OTOF: variants seen among roughly 807,000 people sequenced by gnomAD.
The protein encoded by OTOF is fer-1-like family member 2.
OTOF carries 218 observed loss-of-function variants against 236.8 expected under a neutral mutation model. The ratio of observed to expected loss-of-function variants is 0.92; its 90% CI spans 0.82 to 1.03. OTOF has a LOEUF of 1.03. Among genes scored for constraint, OTOF ranks in the 50% least tolerant of loss-of-function variants. The pLI, the probability that OTOF is intolerant of heterozygous loss-of-function variation, is 0.00. For missense variants in OTOF, 2,590 were observed against 2,694.4 expected (o/e 0.96, Z 0.86); for synonymous variants, 1,041 against 1,072.5 (o/e 0.97, Z 0.57).
intron 5 of OTOF, among the ~76,000 whole-genome samples, chr2:26,513,334 C>T (rs900511940): frequency 9.9e-5 from 15 of 152,174 alleles, no homozygotes; most frequent in Non-Finnish European, 2.9e-5. Flanking sequence ...GAGAAGCAGG[C>T]CAGGCAGGGC....
At position 26,526,618 on chromosome 2, in the gene OTOF, A is replaced by G. The variant is rs116890898; in HGVS notation, c.227+1214T>C. ...TAAAGTCCCTTTCCTCCTGGAAACT[A>G]TAGGGTGGTGCCTACAGGAATTCTC... On this transcript the variant is annotated intron_variant, in intron 3 of 46. Transcript: ENST00000272371. 3.3e-3 allele frequency among the ~76,000 whole-genome samples: 503 copies of G among 152,350 alleles called. 5 individuals carry two copies. Among genetic ancestry groups the G allele is most frequent in the East Asian group, 0.026 (135 of 5,190 alleles).
Position 26,476,041 on chromosome 2 carries a change from G to T in OTOF, c.2867-3C>A. 6.2e-7 allele frequency: 1 copy of T among 1,612,710 alleles called. No homozygotes were observed. The highest frequency in any genetic ancestry group is 1.1e-5 in the South Asian group (1 of 91,018). ...TCGGAGCTGGAACGCCTGCTTCTCT[G>T]TGGGGAAGGGCAGCCTGAGGTTCCA... is the stretch of plus-strand genomic sequence containing the variant. On this transcript the variant is annotated splice_polypyrimidine_tract_variant and splice_region_variant and intron_variant, in intron 23 of 46. Transcript: ENST00000272371.
Position 26,457,359 on chromosome 2 carries a change from CAGGGTG to C in OTOF, c.*873_*878del. 6.6e-6 allele frequency: 1 copy of C among 152,656 alleles called. No individual in the cohort carries two copies. The highest frequency in any genetic ancestry group is 2.4e-5 in the African/African-American group (1 of 41,588). The allele number at this position is 152,656 out of a possible 1,614,324, so 9.5% of individuals were successfully genotyped here. A position where few individuals can be genotyped will look rare whatever the true frequency, so the allele number is the denominator to read the frequency against. ...GGGCAAGGGGGCAGGGGTGGGAGGA[CAGGGTG>C]TGCCCGGGATGGGGAGTCCCCTCTG... is the stretch of plus-strand genomic sequence containing the variant. On this transcript the variant is annotated 3_prime_UTR_variant, in exon 47 of 47. Transcript: ENST00000272371. The surrounding 1 kb of genome is among the most constrained non-coding windows in gnomAD (Gnocchi z 4.4).
rs770034287 is a variant in OTOF, at chr2:26,474,688, C to A, written c.3127-14G>T. On this transcript the variant is annotated splice_polypyrimidine_tract_variant and intron_variant, in intron 25 of 46. Coordinates refer to ENST00000272371, the MANE Select transcript of OTOF (RefSeq NM_194248.3). ...GTCAGCTTTGCCCTGACGCAACAGA[C>A]AACCCAGAAGCCTCTTGGTGCTTGC... The A allele has an allele frequency of 1.2e-6, 2 of 1,613,198 alleles. No homozygotes were observed. The highest frequency in any genetic ancestry group is 2.2e-5 in the South Asian group (2 of 91,088).
chr2:26,524,224 C>T (rs555329998), intron 3 of OTOF, among the ~76,000 whole-genome samples: 1 of 152,274 alleles, frequency 6.6e-6, no homozygotes, highest in East Asian at 1.9e-4. Context: ...ACATCTAATA[C>T]AGGCTGGATT....
Position 26,460,292 on chromosome 2 carries a change from C to G in OTOF, c.5814-87G>C. The G allele has an allele frequency of 9.2e-7, 1 of 1,092,476 alleles. No homozygotes were observed. The highest frequency in any genetic ancestry group is 1.4e-5 in the South Asian group (1 of 73,190). The allele number at this position is 1,092,476 out of a possible 1,614,324, so 67.7% of individuals were successfully genotyped here. The stretch of plus-strand genomic sequence containing the variant: ...CGAGGGGCCAAGACCAAGAGGGAAG[C>G]TGTCCTGGGCTGTGTGTGCAGTTCT... On this transcript the variant is annotated intron_variant, in intron 45 of 46. Transcript: ENST00000272371. The surrounding 1 kb of genome is among the most constrained non-coding windows in gnomAD (Gnocchi z 5.3).
intron 24 of OTOF, among the ~76,000 whole-genome samples, 196 bp from the exon 25 acceptor site, chr2:26,475,689 G>A (rs559492117): frequency 3.3e-5 from 5 of 152,250 alleles, no homozygotes; most frequent in East Asian, 1.9e-4. Flanking sequence ...CCTCCTTGTC[G>A]TCCCTGTCTT....
At chr2:26,472,185 T>C in intron 30 of OTOF, 2 of 395,374 alleles carry the variant, frequency 5.1e-6, no homozygotes, top group Non-Finnish European at 9.7e-6. Context: ...ATACACCACA[T>C]GCATACATGC....
At chr2:26,540,026 G>A (rs904811799) in intron 1 of OTOF, among the ~76,000 whole-genome samples, 7 of 152,138 alleles carry the variant, frequency 4.6e-5, no homozygotes, top group Admixed American at 1.3e-4. Context: ...CTCTGCCTCC[G>A]GGGTTCAAAT....
chr2:26,463,360 C>T, intron 41 of OTOF, 123 bp downstream of exon 41: 1 of 801,456 alleles, frequency 1.2e-6, no homozygotes. Flanking sequence ...CACACCCAGG[C>T]CCCAGGGATG....
intron 11 of OTOF, among the ~76,000 whole-genome samples, chr2:26,486,084 C>T (rs756389996): frequency 2.6e-5 from 4 of 151,556 alleles, no homozygotes; most frequent in Non-Finnish European, 4.4e-5. Context: ...GATAGACGGA[C>T]AGATGGTGAA....
chr2:26,464,878 C>A lies in OTOF; in HGVS notation c.4951G>T (p.Asp1651Tyr). The A allele has an allele frequency of 6.2e-7, 1 of 1,603,030 alleles. No individual in the cohort carries two copies. The highest frequency in any genetic ancestry group is 1.1e-5 in the South Asian group (1 of 88,372). ...TCCAGTGCCCCATTACCGTTCTCGTCCTCAATCTCAGAGGGCCCAGTGAAG... is the reference window on the plus strand; with the variant it reads ...TCCAGTGCCCCATTACCGTTCTCGTACTCAATCTCAGAGGGCCCAGTGAAG... ...RVFTGPSEIE[D>Y]ENGQRKPTDE... Residue 1651 changes from aspartate to tyrosine, a missense_variant, in exon 39 of 47, where the codon GAC becomes TAC. Asp to Tyr is a radical substitution (Grantham distance 160). Coordinates refer to ENST00000272371, the MANE Select transcript of OTOF (RefSeq NM_194248.3).
intron 2 of OTOF, among the ~76,000 whole-genome samples, chr2:26,533,664 T>C (rs997940248): frequency 2.7e-4 from 41 of 152,134 alleles, no homozygotes. Context: ...CCTTGCCTGC[T>C]TCCTTTCTAT....
Position 26,460,002 on chromosome 2 carries a change from T to C in OTOF, c.*17+6A>G. ...GGTCCAGAGGAAGAAGTAAGAAATA[T>C]CAGACCCAGGAGGCCACTGGGCTCA... On this transcript the variant is annotated splice_donor_region_variant and intron_variant, in intron 46 of 46. Coordinates refer to ENST00000272371, the MANE Select transcript of OTOF (RefSeq NM_194248.3). The surrounding 1 kb of genome is among the most constrained non-coding windows in gnomAD (Gnocchi z 5.3). The C allele has an allele frequency of 6.4e-7, 1 of 1,557,360 alleles. No individual in the cohort carries two copies. Among genetic ancestry groups the C allele is most frequent in the Non-Finnish European group, 8.7e-7 (1 of 1,150,684 alleles).
chr2:26,497,855 A>G (rs1276530671), intron 8 of OTOF, among the ~76,000 whole-genome samples: 1 of 151,764 alleles, frequency 6.6e-6, no homozygotes, highest in East Asian at 1.9e-4. Context: ...TTTACTATGA[A>G]GAGAGCAAAC....
intron 32 of OTOF, 27 bp from the exon 33 acceptor site, chr2:26,468,501 A>G: frequency 1.2e-6 from 2 of 1,603,542 alleles, no homozygotes; most frequent in Non-Finnish European, 8.5e-7. Context: ...TGAAAAGGAC[A>G]GAAGGTGGGT....
chr2:26,475,449 C>A lies in OTOF; in HGVS notation c.3036G>T (p.Val1012=), dbSNP rs1665208491. Residue 1012 remains valine (V), a synonymous_variant, in exon 25 of 47, where the codon GTG becomes GTT. Transcript: ENST00000272371. ...CACCATAGAGCTCCAGGTTGTCGAACACCAGCATCTGGTCCCAGGTGGGAC... is the reference window on the plus strand; with the variant it reads ...CACCATAGAGCTCCAGGTTGTCGAAAACCAGCATCTGGTCCCAGGTGGGAC... ...TLCPTWDQML[V]FDNLELYGEA... 9 of 1,613,006 alleles carry A rather than the reference C, an allele frequency of 5.6e-6. No individual in the cohort carries two copies. The highest frequency in any genetic ancestry group is 6.8e-6 in the Non-Finnish European group (8 of 1,179,924).
intron 3 of OTOF, among the ~76,000 whole-genome samples, chr2:26,524,382 A>T (rs1666751302): frequency 6.6e-6 from 1 of 152,080 alleles, no homozygotes; most frequent in South Asian, 2.1e-4. Context: ...GGTGGCATGC[A>T]CCTGTAGTCC....
chr2:26,502,210 T>G, intron 7 of OTOF, 90 bp downstream of exon 7: 2 of 1,443,390 alleles, frequency 1.4e-6, no homozygotes, highest in Non-Finnish European at 1.9e-6. Context: ...TGAGCCCTGA[T>G]TCTTCCCTAC....
Sources: gnomAD v4.1 joint callset for allele counts (sites outside exome capture counted in the v4.1 genomes callset) on GRCh38, gnomAD v4.1.1 for gene constraint, Gnocchi (gnomAD v3.1) non-coding constraint, MANE v1.5 for transcripts, NCBI Gene and HGNC (gene_info 2026-07-23, HGNC 2026-07-21) for gene names.